The following CTNNA3 variants were observed in gnomAD, a reference collection of about 807,000 sequenced individuals.
CTNNA3 encodes the protein catenin alpha 3.
A neutral mutation model predicts 95.7 loss-of-function variants in CTNNA3; 76 were observed. The ratio of observed to expected loss-of-function variants is 0.79; its 90% confidence interval spans 0.66 to 0.96. The LOEUF (loss-of-function observed/expected upper bound fraction) is 0.96, where lower values mean the gene tolerates loss of function less well. Among genes scored for constraint, CTNNA3 ranks in the 40% least tolerant of loss-of-function variants. The pLI is 0.00. For missense variants in CTNNA3, 1,191 were observed against 1,089.8 expected, an observed-to-expected ratio of 1.09 and a Z score of -1.31; for synonymous variants, 431 against 374.4, an observed-to-expected ratio of 1.15 and a Z score of -1.74.
At chr10:67,438,740 G>T (rs761283278) in intron 5 of CTNNA3, among the ~76,000 whole-genome samples, 10 of 152,334 alleles carry the variant, frequency 6.6e-5, no homozygotes, top group Non-Finnish European at 1.5e-4. Flanking sequence ...GCACAAGGGG[G>T]TGGAAGAGCA....
chr10:67,442,178 T>C (rs1012415703), intron 5 of CTNNA3, among the ~76,000 whole-genome samples: 1 of 152,098 alleles, frequency 6.6e-6, no homozygotes, highest in African/African-American at 2.4e-5. Flanking sequence ...TATAAGATAG[T>C]ATTTGCAAAC....
intron 1 of CTNNA3, among the ~76,000 whole-genome samples, chr10:67,660,909 C>T (rs182656066): frequency 0.019 from 2,688 of 143,314 alleles, 86 homozygotes; most frequent in African/African-American, 0.069. Flanking sequence ...CCAGCCTGGG[C>T]GACAGAGCAA....
chr10:66,926,106 C>A (rs1160412591), intron 7 of CTNNA3: 2 of 458,404 alleles, frequency 4.4e-6, no homozygotes, highest in African/African-American at 4.0e-5. Context: ...ACGGGGCTCT[C>A]CTGCCTTCTG....
chr10:67,699,302 C>G (rs1841014856), upstream of CTNNA3, among the ~76,000 whole-genome samples: 1 of 152,168 alleles, frequency 6.6e-6, no homozygotes, highest in South Asian at 2.1e-4. Flanking sequence ...GAGTTGTCCA[C>G]CACCCCTATG....
At chr10:66,416,962 A>T (rs940417741) in intron 11 of CTNNA3, among the ~76,000 whole-genome samples, 1 of 152,098 alleles carries the variant, frequency 6.6e-6, no homozygotes, top group Non-Finnish European at 1.5e-5. Context: ...AGACATTAAG[A>T]GGAAAATCAA....
chr10:67,522,755 A>G (rs1269054101), intron 4 of CTNNA3, among the ~76,000 whole-genome samples: 1 of 151,964 alleles, frequency 6.6e-6, no homozygotes, highest in Non-Finnish European at 1.5e-5. Flanking sequence ...TAAGCAAAGG[A>G]AGCTCACAAG....
chr10:66,906,272 C>T lies in CTNNA3; in HGVS notation c.1048-130748G>A, dbSNP rs1037821556. Among the ~76,000 whole-genome samples, 147 of 152,090 alleles carry T rather than the reference C, an allele frequency of 9.7e-4. 3 individuals carry two copies. Among genetic ancestry groups the T allele is most frequent in the Non-Finnish European group, 3.5e-4 (24 of 68,008 alleles). On this transcript the variant is annotated intron_variant, in intron 7 of 17. Coordinates refer to ENST00000433211, the MANE Select transcript of CTNNA3 (RefSeq NM_013266.4). ...GAATGCAGTAGAAGGAACTCAGCAT[C>T]TTGAATGAAGTATTCTTGCCAAAAC... is the stretch of plus-strand genomic sequence containing the variant.
At chr10:65,988,094 A>T (rs1021917338) in intron 16 of CTNNA3, among the ~76,000 whole-genome samples, 8 of 152,154 alleles carry the variant, frequency 5.3e-5, no homozygotes, top group Admixed American at 2.0e-4. Flanking sequence ...GTTATATAGG[A>T]GGAATAAATT....
intron 7 of CTNNA3, among the ~76,000 whole-genome samples, chr10:67,038,858 ATTATG>A (rs1854225650): frequency 1.3e-5 from 2 of 151,970 alleles, no homozygotes; most frequent in South Asian, 4.1e-4. Flanking sequence ...GTCTTTATAT[ATTATG>A]TTATAATAAT....
intron 5 of CTNNA3, among the ~76,000 whole-genome samples, chr10:67,375,332 G>A (rs557233410): frequency 6.6e-6 from 1 of 152,284 alleles, no homozygotes; most frequent in Non-Finnish European, 1.5e-5. Flanking sequence ...TGGGCCGGGT[G>A]CAGTGGCTCA....
chr10:66,851,545 G>T (rs565881182), intron 7 of CTNNA3, among the ~76,000 whole-genome samples: 1 of 151,888 alleles, frequency 6.6e-6, no homozygotes, highest in African/African-American at 2.4e-5. Flanking sequence ...CACCATCCGC[G>T]TGGTGCTCTA....
chr10:66,485,975 G>A (rs540945304), intron 11 of CTNNA3, among the ~76,000 whole-genome samples: 28 of 152,204 alleles, frequency 1.8e-4, no homozygotes, highest in African/African-American at 6.5e-4. Context: ...CACACAATGG[G>A]GAAAGAACAG....
chr10:66,571,273 G>A (rs1299676273), intron 10 of CTNNA3, among the ~76,000 whole-genome samples: 2 of 152,116 alleles, frequency 1.3e-5, no homozygotes, highest in Admixed American at 1.3e-4. Flanking sequence ...TATCATGCCT[G>A]CTAGACCAGA....
chr10:67,305,167 G>T (rs12357652), intron 5 of CTNNA3, among the ~76,000 whole-genome samples: 3 of 151,600 alleles, frequency 2.0e-5, no homozygotes, highest in East Asian at 2.0e-4. Context: ...TCCCAGCTAC[G>T]TGGGAGGCTG....
At chr10:66,696,733 G>A (rs1212210298) in intron 9 of CTNNA3, among the ~76,000 whole-genome samples, 1 of 151,570 alleles carries the variant, frequency 6.6e-6, no homozygotes, top group Non-Finnish European at 1.5e-5. Flanking sequence ...AGGAGTTCAA[G>A]ATCAGCCTGG....
chr10:67,579,032 TAC>T (rs71468816), intron 3 of CTNNA3, among the ~76,000 whole-genome samples: 2,352 of 94,972 alleles, frequency 0.025, 48 homozygotes, highest in Non-Finnish European at 0.031. Flanking sequence ...TATATATATA[TAC>T]ACACACACAC....
chr10:66,840,354 TCTCTCTCTCTCTCTCTCTCA>T (rs1843013581), intron 7 of CTNNA3, among the ~76,000 whole-genome samples: 16 of 124,114 alleles, frequency 1.3e-4, no homozygotes, highest in African/African-American at 2.3e-4. Context: ...TCTCTCTCTC[TCTCTCTCTCTCTCTCTCTCA>T]CACACACACA....
At chr10:66,936,968 C>T (rs71493806) in intron 7 of CTNNA3, among the ~76,000 whole-genome samples, 6,466 of 152,228 alleles carry the variant, frequency 0.042, 175 homozygotes, top group Middle Eastern at 0.085. Flanking sequence ...CTTTGTAAAG[C>T]ACTCTGAAAT....
intron 5 of CTNNA3, among the ~76,000 whole-genome samples, chr10:67,511,514 T>C (rs1839627907): frequency 6.6e-6 from 1 of 152,240 alleles, no homozygotes; most frequent in African/African-American, 2.4e-5. Context: ...TTTGCATATG[T>C]TGAACCAGCC....
Sources: gnomAD v4.1 joint callset for allele counts (sites outside exome capture counted in the v4.1 genomes callset) on GRCh38, gnomAD v4.1.1 for gene constraint, MANE v1.5 for transcripts, NCBI Gene and HGNC (gene_info 2026-07-23, HGNC 2026-07-21) for gene names.